Variants in MROH2A observed in about 807,000 individuals in gnomAD.
MROH2A encodes the protein maestro heat-like repeat-containing protein family member 2A.
MROH2A carries 174 observed loss-of-function variants against 200.4 expected under a neutral mutation model. The observed-to-expected ratio is 0.87, with a 90% CI of 0.77 to 0.98. The LOEUF (loss-of-function observed/expected upper bound fraction) is 0.98. MROH2A is among the 50% of genes least tolerant of loss of function. The pLI is 0.00. For missense variants in MROH2A, 2,045 were observed against 2,139.6 expected (o/e 0.96, Z 0.87); for synonymous variants, 829 against 840.4 (o/e 0.99, Z 0.23).
Position 233,825,921 on chromosome 2 carries a change from C to CTTTTTT in MROH2A, c.4113+2274_4113+2279dup, listed in dbSNP as rs34849761. ...AAACACCTCTTTGTGTTTCTTTTTCCTTTTTTTTTTTTTTTTTTTTTTGAG... is the reference window on the plus strand; with the variant it reads ...AAACACCTCTTTGTGTTTCTTTTTCCTTTTTTTTTTTTTTTTTTTTTTTTTTTTGAG... On this transcript the variant is annotated intron_variant, in intron 35 of 41. Coordinates refer to ENST00000389758, the MANE Select transcript of MROH2A (RefSeq NM_001394639.1). 4.0e-3 allele frequency among the ~76,000 whole-genome samples: 378 copies of CTTTTTT among 95,248 alleles called. 14 individuals are homozygous for CTTTTTT. Among genetic ancestry groups the CTTTTTT allele is most frequent in the African/African-American group, 0.016 (338 of 21,806 alleles). The allele number at this position is 95,248 out of a possible 152,430, so 62.5% of individuals were successfully genotyped here.
intron 24 of MROH2A, 64 bp downstream of exon 24, chr2:233,812,023 G>C (rs944035654): frequency 8.8e-7 from 1 of 1,138,238 alleles, no homozygotes; most frequent in South Asian, 1.3e-5. Context: ...ACCATTCCTC[G>C]GTGCTCCTTC....
intron 27 of MROH2A, 68 bp from the exon 28 acceptor site, chr2:233,817,934 G>T (rs1703652478): frequency 6.5e-7 from 1 of 1,535,550 alleles, no homozygotes; most frequent in African/African-American, 1.4e-5. Flanking sequence ...CCTTTACACT[G>T]CCCCTGGGCA....
chr2:233,795,843 C>T (rs1702070967), intron 9 of MROH2A, 98 bp downstream of exon 9: 5 of 1,544,276 alleles, frequency 3.2e-6, no homozygotes, highest in African/African-American at 1.4e-5. Context: ...CACTCGCGTG[C>T]TTCCTTTATC....
Position 233,828,960 on chromosome 2 carries a change from T to TGACTGCC in MROH2A, c.4337_4343dup (p.Glu1448AspfsTer14). 6.4e-7 allele frequency: 1 copy of TGACTGCC among 1,550,542 alleles called. No individual in the cohort carries two copies. The highest frequency in any genetic ancestry group is 8.7e-7 in the Non-Finnish European group (1 of 1,146,968). On this transcript the variant is annotated frameshift_variant, in exon 37 of 42. Coordinates refer to ENST00000389758, the MANE Select transcript of MROH2A (RefSeq NM_001394639.1). LOFTEE classifies it high-confidence loss of function. This position sits in a 1 kb window ranked among gnomAD's most constrained non-coding sequence, Gnocchi z 4.6. ...CTGAGGGAGCCCGTGAGCAACAGCGTGACTGCCGAGGGCATGGAGGCCCTG... is the reference window on the plus strand; with the variant it reads ...CTGAGGGAGCCCGTGAGCAACAGCGTGACTGCCGACTGCCGAGGGCATGGAGGCCCTG...
intron 3 of MROH2A, among the ~76,000 whole-genome samples, chr2:233,783,034 A>G (rs1489801275): frequency 2.0e-5 from 3 of 152,116 alleles, no homozygotes; most frequent in African/African-American, 7.2e-5. Flanking sequence ...ATTTGTGTGT[A>G]TTGGACCATC....
At chr2:233,812,005 A>G in intron 24 of MROH2A, 46 bp downstream of exon 24, 3 of 1,309,340 alleles carry the variant, frequency 2.3e-6, no homozygotes, top group Non-Finnish European at 3.2e-6. Flanking sequence ...GGTAGGGAAA[A>G]GTTCAAGACC....
At chr2:233,818,198 C>A in intron 28 of MROH2A, 73 bp downstream of exon 28, 2 of 1,518,868 alleles carry the variant, frequency 1.3e-6, no homozygotes, top group Non-Finnish European at 8.8e-7. Context: ...GTATGGGCTG[C>A]GGCCTGCCCT....
intron 15 of MROH2A, 102 bp from the exon 16 acceptor site, chr2:233,803,346 T>G: frequency 7.9e-7 from 1 of 1,270,016 alleles, no homozygotes; most frequent in Non-Finnish European, 1.1e-6. Context: ...AAGATCATGT[T>G]GGGGAGGAAC....
At chr2:233,824,972 CA>C (rs1704206769) in intron 35 of MROH2A, among the ~76,000 whole-genome samples, 1 of 152,062 alleles carries the variant, frequency 6.6e-6, no homozygotes, top group African/African-American at 2.4e-5. Flanking sequence ...AATATTTTTC[CA>C]TTTGTTTGTG....
chr2:233,810,058 C>T, intron 22 of MROH2A, among the ~76,000 whole-genome samples: 1 of 152,156 alleles, frequency 6.6e-6, no homozygotes. Flanking sequence ...CAAGGTTCAT[C>T]CATGTAAAAG....
intron 29 of MROH2A, among the ~76,000 whole-genome samples, 181 bp downstream of exon 29, chr2:233,818,951 C>A (rs1402566260): frequency 6.6e-6 from 1 of 152,246 alleles, no homozygotes; most frequent in Non-Finnish European, 1.5e-5. Flanking sequence ...TGTCATGTCC[C>A]TACTTTGTCT....
chr2:233,776,354 C>CT (rs10568441), upstream of MROH2A, among the ~76,000 whole-genome samples: 3,370 of 111,306 alleles, frequency 0.03, 155 homozygotes, highest in African/African-American at 0.085. Flanking sequence ...AATGTATTTA[C>CT]TTTTTTTTTT....
At chr2:233,803,335 C>A in intron 15 of MROH2A, 113 bp from the exon 16 acceptor site, 1 of 1,142,310 alleles carries the variant, frequency 8.8e-7, no homozygotes, top group Non-Finnish European at 1.3e-6. Flanking sequence ...GTTTGGGGAA[C>A]AAGATCATGT....
intron 25 of MROH2A, 140 bp from the exon 26 acceptor site, chr2:233,814,442 G>T (rs1007236656): frequency 1.7e-6 from 1 of 599,550 alleles, no homozygotes; most frequent in Non-Finnish European, 3.0e-6. Flanking sequence ...CTTCACTTGA[G>T]AAAATAAGTG....
chr2:233,789,794 G>A, intron 4 of MROH2A, 58 bp from the exon 5 acceptor site: 1 of 1,513,286 alleles, frequency 6.6e-7, no homozygotes, highest in Non-Finnish European at 8.9e-7. Context: ...GGGTAGGAAG[G>A]TTTTCCTGGA....
chr2:233,800,420 C>G (rs1702389287), intron 14 of MROH2A, 105 bp downstream of exon 14: 1 of 717,246 alleles, frequency 1.4e-6, no homozygotes, highest in Admixed American at 3.0e-5. Flanking sequence ...TTCCTGCTGT[C>G]TGGAGTGTTG....
In MROH2A at chr2:233,831,388, T is replaced by G. The variant is rs1480194962; in HGVS notation, c.4603-21T>G. On this transcript the variant is annotated intron_variant, in intron 38 of 41. Transcript: ENST00000389758. ...CACGTGGCCTGGCTGATGGCTCTGC[T>G]GCCGTCCTGTGTCCCTGCAGGCCTG... 6 of 1,539,112 alleles carry G rather than the reference T, an allele frequency of 3.9e-6. No homozygotes were observed. In the East Asian group the frequency reaches 1.2e-4, roughly 32 times the overall value.
intron 3 of MROH2A, among the ~76,000 whole-genome samples, chr2:233,788,698 G>A (rs927143138): frequency 7.2e-5 from 11 of 152,078 alleles, no homozygotes; most frequent in African/African-American, 2.4e-4. Context: ...AGCACTTTGG[G>A]AGGCCGAGGC....
intron 21 of MROH2A, 92 bp from the exon 22 acceptor site, chr2:233,809,034 T>G (rs922499470): frequency 1.4e-6 from 2 of 1,414,782 alleles, no homozygotes; most frequent in African/African-American, 2.9e-5. Context: ...GCTGACTCAA[T>G]GGATCCTTTG....
Sources: allele counts gnomAD v4.1 joint callset (sites outside exome capture counted in the v4.1 genomes callset), GRCh38; gene constraint gnomAD v4.1.1; non-coding constraint Gnocchi (gnomAD v3.1); transcripts MANE v1.5; gene names NCBI Gene and HGNC (gene_info 2026-07-23, HGNC 2026-07-21).